Variants in RIMS4 observed in about 807,000 individuals in gnomAD.
The protein encoded by RIMS4 is regulating synaptic membrane exocytosis protein 4.
In RIMS4, 9 loss-of-function variants were observed where a neutral mutation model predicts 29.0. The observed-to-expected ratio is 0.31, with a 90% CI of 0.19 to 0.54. The LOEUF (loss-of-function observed/expected upper bound fraction) is 0.54, where lower values mean the gene tolerates loss of function less well. Among genes scored for constraint, RIMS4 ranks in the 20% least tolerant of loss-of-function variants. The pLI, the probability that RIMS4 is intolerant of heterozygous loss-of-function variation, is 0.94. For synonymous variants in RIMS4, 130 were observed against 152.9 expected, an observed-to-expected ratio of 0.85 and a Z score of 1.10; for missense variants, 193 against 365.7, an observed-to-expected ratio of 0.53 and a Z score of 3.85.
At chr20:44,793,930 A>T (rs1053059280) in intron 1 of RIMS4, among the ~76,000 whole-genome samples, 8 of 152,198 alleles carry the variant, frequency 5.3e-5, no homozygotes, top group African/African-American at 1.9e-4. Context: ...TTAGCTGGGC[A>T]GGCTGGCATG....
intron 4 of RIMS4, 118 bp downstream of exon 4, chr20:44,757,552 T>G (rs2066065973): frequency 1.3e-6 from 1 of 758,304 alleles, no homozygotes. Context: ...GACATCAGAG[T>G]TGGGACAGGG....
At chr20:44,757,637 C>T (rs769525294) in intron 4 of RIMS4, 33 bp downstream of exon 4, 33 of 1,545,910 alleles carry the variant, frequency 2.1e-5, no homozygotes, top group Non-Finnish European at 2.8e-5. Flanking sequence ...CTGACCTCCA[C>T]CCCCACCTTG....
At chr20:44,771,540 G>C (rs1320100729) in intron 1 of RIMS4, 127 bp from the exon 2 acceptor site, 1 of 1,003,906 alleles carries the variant, frequency 1.0e-6, no homozygotes, top group Non-Finnish European at 1.5e-6. Flanking sequence ...TCCACCCTCA[G>C]CCCATCAACC....
At chr20:44,783,650 A>C (rs536737058) in intron 1 of RIMS4, among the ~76,000 whole-genome samples, 21 of 152,262 alleles carry the variant, frequency 1.4e-4, no homozygotes, top group African/African-American at 4.6e-4. Flanking sequence ...AACAAAAAAA[A>C]AACAACAAAG....
At chr20:44,798,295 CA>C (rs2066263316) in intron 1 of RIMS4, among the ~76,000 whole-genome samples, 1 of 152,238 alleles carries the variant, frequency 6.6e-6, no homozygotes, top group African/African-American at 2.4e-5. Context: ...GGAAAGAACA[CA>C]AGTGTTGGAA....
intron 1 of RIMS4, among the ~76,000 whole-genome samples, chr20:44,796,420 G>A (rs1452601738): frequency 6.6e-6 from 1 of 152,120 alleles, no homozygotes; most frequent in East Asian, 2.0e-4. Context: ...ATAGAGTGGG[G>A]AGGAAGGAGA....
intron 1 of RIMS4, among the ~76,000 whole-genome samples, chr20:44,772,457 C>G (rs1238867556): frequency 6.6e-6 from 1 of 152,186 alleles, no homozygotes; most frequent in Non-Finnish European, 1.5e-5. Flanking sequence ...ATAACTGTGG[C>G]TGCCTTGAGA....
At chr20:44,802,807 C>A (rs997605246) in intron 1 of RIMS4, among the ~76,000 whole-genome samples, 4 of 152,208 alleles carry the variant, frequency 2.6e-5, no homozygotes, top group Non-Finnish European at 5.9e-5. Context: ...GATAATTTGC[C>A]CCCTTCTCTG....
intron 3 of RIMS4, 87 bp downstream of exon 3, chr20:44,757,985 G>T: frequency 9.1e-7 from 1 of 1,095,184 alleles, no homozygotes; most frequent in Non-Finnish European, 1.4e-6. Flanking sequence ...GGATCAACAG[G>T]CAAAGGGGAA....
At chr20:44,795,681 T>A (rs746193392) in intron 1 of RIMS4, among the ~76,000 whole-genome samples, 3 of 151,932 alleles carry the variant, frequency 2.0e-5, no homozygotes, top group Non-Finnish European at 4.4e-5. Flanking sequence ...AGAGTAGTTT[T>A]GGGGCTCGAA....
chr20:44,767,671 G>T (rs777481945), intron 2 of RIMS4, among the ~76,000 whole-genome samples: 22 of 152,234 alleles, frequency 1.4e-4, no homozygotes, highest in Non-Finnish European at 3.1e-4. Flanking sequence ...CTGGCTGTGT[G>T]ACGTGGGGCA....
intron 1 of RIMS4, among the ~76,000 whole-genome samples, chr20:44,774,333 G>C (rs888267807): frequency 6.6e-6 from 1 of 152,226 alleles, no homozygotes; most frequent in African/African-American, 2.4e-5. Context: ...GGGTGTCTCT[G>C]TGAGGGTGTT....
intron 1 of RIMS4, among the ~76,000 whole-genome samples, chr20:44,778,779 G>A (rs2066171381): frequency 6.6e-6 from 1 of 152,202 alleles, no homozygotes; most frequent in Non-Finnish European, 1.5e-5. Flanking sequence ...TAAAAGCATG[G>A]ACAATGGAGC....
intron 1 of RIMS4, among the ~76,000 whole-genome samples, chr20:44,806,881 T>C (rs1017109814): frequency 6.6e-6 from 1 of 152,238 alleles, no homozygotes; most frequent in Admixed American, 6.5e-5. Context: ...ATAGCAGTTT[T>C]ATAGGCTTGC....
intron 2 of RIMS4, among the ~76,000 whole-genome samples, chr20:44,767,727 G>A (rs1247429963): frequency 6.6e-6 from 1 of 152,148 alleles, no homozygotes; most frequent in African/African-American, 2.4e-5. Flanking sequence ...CTGTAAAATG[G>A]GAATATTAAC....
intron 1 of RIMS4, among the ~76,000 whole-genome samples, chr20:44,774,278 C>T (rs1013207573): frequency 2.0e-5 from 3 of 152,100 alleles, no homozygotes; most frequent in Non-Finnish European, 4.4e-5. Flanking sequence ...TTGTTAATAG[C>T]GAGTGTCAAC....
intron 2 of RIMS4, among the ~76,000 whole-genome samples, chr20:44,758,734 A>G (rs577448284): frequency 1.3e-5 from 2 of 152,322 alleles, no homozygotes; most frequent in African/African-American, 4.8e-5. Context: ...GCTCAGAGAC[A>G]GGCATGTAGC....
intron 1 of RIMS4, among the ~76,000 whole-genome samples, chr20:44,803,125 T>C (rs2066283824): frequency 6.6e-6 from 1 of 152,180 alleles, no homozygotes; most frequent in African/African-American, 2.4e-5. Context: ...TTATTGTCTG[T>C]TTCCCCCACC....
rs181852363 is a variant in RIMS4 at position 44,797,795 on chromosome 20, C to T, written c.97+12380G>A. On this transcript the variant is annotated intron_variant, in intron 1 of 5. Transcript: ENST00000372851. ...GTCAGCCTTGGTTTGAGACCCTTCC[C>T]GCACTCCCCAGTCAGAGCCTTGCCA... Among the ~76,000 whole-genome samples the T allele has an allele frequency of 1.1e-4, 16 of 152,292 alleles. No individual in the cohort carries two copies. In the East Asian group the frequency reaches 2.3e-3, roughly 22 times the overall value.
Sources: gnomAD v4.1 joint callset for allele counts (sites outside exome capture counted in the v4.1 genomes callset) on GRCh38, gnomAD v4.1.1 for gene constraint, MANE v1.5 for transcripts, NCBI Gene and HGNC (gene_info 2026-07-23, HGNC 2026-07-21) for gene names.